The following PLXDC2 variants were observed in gnomAD, a reference collection of about 807,000 sequenced individuals.
PLXDC2 encodes the protein plexin domain-containing protein 2.
PLXDC2 carries 40 observed loss-of-function variants against 68.9 expected under a neutral mutation model. That is an observed-to-expected ratio of 0.58 (90% CI 0.45 to 0.76). The LOEUF is 0.76. Among genes scored for constraint, PLXDC2 ranks in the 30% least tolerant of loss-of-function variants. The pLI is 0.00. For synonymous variants in PLXDC2, 243 were observed against 234.2 expected, an observed-to-expected ratio of 1.04 and a Z score of -0.34; for missense variants, 644 against 661.9, an observed-to-expected ratio of 0.97 and a Z score of 0.30.
chr10:19,829,776 A>T (rs1357724510), intron 1 of PLXDC2, among the ~76,000 whole-genome samples: 1 of 152,146 alleles, frequency 6.6e-6, no homozygotes, highest in African/African-American at 2.4e-5. Context: ...GAAGGTAGAG[A>T]TGGAGTGACT....
intron 7 of PLXDC2, 118 bp from the exon 8 acceptor site, chr10:20,176,881 G>C (rs1442043448): frequency 9.0e-6 from 6 of 666,028 alleles, no homozygotes; most frequent in Non-Finnish European, 1.5e-5. Context: ...ACAGGATGAG[G>C]CTTAATTTTA....
intron 7 of PLXDC2, among the ~76,000 whole-genome samples, chr10:20,170,886 A>G (rs1042098464): frequency 5.9e-5 from 9 of 151,864 alleles, no homozygotes; most frequent in African/African-American, 1.7e-4. Flanking sequence ...AAAATATTAA[A>G]TGCCAAGTGT....
In PLXDC2 at chr10:19,816,951, A is replaced by G. The variant is rs1045024650; in HGVS notation, c.-129A>G. The G allele has an allele frequency of 3.1e-6, 2 of 648,334 alleles. No individual in the cohort carries two copies. Among genetic ancestry groups the G allele is most frequent in the East Asian group, 2.7e-5 (1 of 36,668 alleles). 40.2% of individuals were successfully genotyped at this position (648,334 alleles called of 1,614,324 possible). A position where few individuals can be genotyped will look rare whatever the true frequency, so the allele number is the denominator to read the frequency against. On this transcript the variant is annotated 5_prime_UTR_variant, in exon 1 of 14. Transcript: ENST00000377252. ...TTCCCTACTGTGAAATCGCAGCGAC[A>G]TTTACAAAGGCCTCCGGGTCCTACC...
chr10:20,146,491 C>CCTTCCTTG, intron 5 of PLXDC2, among the ~76,000 whole-genome samples: 1 of 91,946 alleles, frequency 1.1e-5, no homozygotes, highest in African/African-American at 5.0e-5. Context: ...TTTTCTTTTT[C>CCTTCCTTG]CTTCCTTCCT....
At chr10:19,940,633 G>A (rs1833803972) in intron 1 of PLXDC2, among the ~76,000 whole-genome samples, 1 of 151,450 alleles carries the variant, frequency 6.6e-6, no homozygotes, top group Non-Finnish European at 1.5e-5. Context: ...TTGTCTCCTT[G>A]AATAACAAGA....
intron 4 of PLXDC2, among the ~76,000 whole-genome samples, chr10:20,090,394 C>T (rs1833260342): frequency 6.6e-6 from 1 of 152,002 alleles, no homozygotes; most frequent in Non-Finnish European, 1.5e-5. Context: ...CAAGAGGTGG[C>T]CCTGGTGGTG....
At chr10:20,176,942 T>A in intron 7 of PLXDC2, 57 bp from the exon 8 acceptor site, 1 of 1,262,022 alleles carries the variant, frequency 7.9e-7, no homozygotes, top group Non-Finnish European at 1.1e-6. Context: ...ATTAAAATGC[T>A]GTTGTTTTGT....
chr10:20,028,472 T>A (rs1279245387), intron 2 of PLXDC2, among the ~76,000 whole-genome samples: 1 of 152,212 alleles, frequency 6.6e-6, no homozygotes, highest in Non-Finnish European at 1.5e-5. Context: ...TTTTGTGAGT[T>A]GCGAATGTAC....
chr10:19,849,327 T>TAC (rs3043808), intron 1 of PLXDC2, among the ~76,000 whole-genome samples: 102,848 of 151,776 alleles, frequency 0.68, 35,863 homozygotes, highest in Non-Finnish European at 0.77. Flanking sequence ...CTCTCACACA[T>TAC]ACACACACAA....
At chr10:20,107,303 A>C (rs1041463855) in intron 4 of PLXDC2, among the ~76,000 whole-genome samples, 3 of 152,054 alleles carry the variant, frequency 2.0e-5, no homozygotes, top group Non-Finnish European at 4.4e-5. Context: ...CGAGGTTAGA[A>C]ACTGTGTCTG....
At chr10:20,004,109 A>T (rs1342463823) in intron 2 of PLXDC2, among the ~76,000 whole-genome samples, 1 of 152,246 alleles carries the variant, frequency 6.6e-6, no homozygotes, top group East Asian at 1.9e-4. Context: ...CCTGAAGCAG[A>T]TATTACCTAG....
chr10:20,047,706 T>C lies in PLXDC2; in HGVS notation c.471+691T>C, dbSNP rs564355025. Among the ~76,000 whole-genome samples the C allele has an allele frequency of 2.6e-5, 4 of 152,248 alleles. No homozygotes were observed. In the South Asian group the frequency reaches 8.3e-4, roughly 32 times the overall value. On this transcript the variant is annotated intron_variant, in intron 3 of 13. Coordinates refer to ENST00000377252, the MANE Select transcript of PLXDC2 (RefSeq NM_032812.9). The stretch of plus-strand genomic sequence containing the variant: ...TAGCCTATTCAAGGGCCAGCCTGAA[T>C]GCTCAAATGCATTAGCTTTTCCAAT...
intron 1 of PLXDC2, among the ~76,000 whole-genome samples, chr10:19,931,918 A>C (rs1320823286): frequency 6.6e-6 from 1 of 151,828 alleles, no homozygotes; most frequent in African/African-American, 2.4e-5. Context: ...AATGAAGTTG[A>C]ATTTCAAAAC....
intron 5 of PLXDC2, among the ~76,000 whole-genome samples, chr10:20,145,966 C>T (rs764396888): frequency 3.3e-5 from 5 of 152,066 alleles, no homozygotes; most frequent in African/African-American, 9.7e-5. Flanking sequence ...AATAATCAAG[C>T]GTAAGTATAT....
chr10:19,840,105 T>C (rs1366226737), intron 1 of PLXDC2, among the ~76,000 whole-genome samples: 2 of 152,170 alleles, frequency 1.3e-5, no homozygotes, highest in Non-Finnish European at 2.9e-5. Flanking sequence ...TGTAGATTCT[T>C]TTTCTTCACT....
At chr10:19,961,138 A>G (rs930028071) in intron 1 of PLXDC2, among the ~76,000 whole-genome samples, 5 of 152,220 alleles carry the variant, frequency 3.3e-5, no homozygotes, top group Non-Finnish European at 7.3e-5. Flanking sequence ...GTGATTTCTT[A>G]CTGGTAAAAT....
At chr10:20,009,480 T>C (rs16919676) in intron 2 of PLXDC2, among the ~76,000 whole-genome samples, 1,763 of 152,188 alleles carry the variant, frequency 0.012, 36 homozygotes, top group African/African-American at 0.039. Flanking sequence ...AGATTAATCC[T>C]GAAGAAGTGC....
At chr10:19,873,287 C>T (rs1837574345) in intron 1 of PLXDC2, among the ~76,000 whole-genome samples, 1 of 151,874 alleles carries the variant, frequency 6.6e-6, no homozygotes, top group South Asian at 2.1e-4. Context: ...GCACACTCAA[C>T]AGAGTAGTTT....
chr10:19,962,236 C>G (rs1834164744), intron 1 of PLXDC2, among the ~76,000 whole-genome samples: 1 of 151,528 alleles, frequency 6.6e-6, no homozygotes, highest in Non-Finnish European at 1.5e-5. Context: ...TCATTTTTCC[C>G]AGGAGAGCTT....
Sources: allele counts gnomAD v4.1 joint callset (sites outside exome capture counted in the v4.1 genomes callset), GRCh38; gene constraint gnomAD v4.1.1; transcripts MANE v1.5; gene names NCBI Gene and HGNC (gene_info 2026-07-23, HGNC 2026-07-21).